The following NLK variants were observed in gnomAD, a reference collection of about 807,000 sequenced individuals.
NLK encodes serine/threonine-protein kinase NLK.
A neutral mutation model predicts 59.0 loss-of-function variants in NLK; 11 were observed. That is an observed-to-expected ratio of 0.19 (90% CI 0.12 to 0.31). The LOEUF is 0.31. NLK is among the 10% of genes least tolerant of loss of function. The pLI is 1.00. For missense variants in NLK, 410 were observed against 661.1 expected (o/e 0.62, Z 4.16); for synonymous variants, 235 against 235.9 (o/e 1.00, Z 0.03).
chr17:28,148,243 C>CA (rs1441745170), intron 3 of NLK, among the ~76,000 whole-genome samples: 4 of 152,022 alleles, frequency 2.6e-5, no homozygotes, highest in Admixed American at 2.6e-4. Context: ...ACCCTGCCCC[C>CA]ACCCCCCCAC....
downstream of NLK, among the ~76,000 whole-genome samples, chr17:28,201,279 T>G (rs1909621955): frequency 6.6e-6 from 1 of 151,882 alleles, no homozygotes; most frequent in Admixed American, 6.6e-5. Flanking sequence ...GATGAGATTT[T>G]GCCATGTTGC....
intron 1 of NLK, among the ~76,000 whole-genome samples, chr17:28,059,532 T>A (rs769827318): frequency 6.6e-6 from 1 of 152,306 alleles, no homozygotes; most frequent in African/African-American, 2.4e-5. Flanking sequence ...GTGTCCAAAG[T>A]CTTATCTAAT....
At chr17:28,152,291 ACTTACT>A (rs1420639127) in intron 3 of NLK, among the ~76,000 whole-genome samples, 1 of 152,242 alleles carries the variant, frequency 6.6e-6, no homozygotes. Context: ...ATTATTTCAT[ACTTACT>A]CTGTTTTTGG....
chr17:28,176,143 T>C lies in NLK; in HGVS notation c.1149+3525T>C, dbSNP rs565249689. Among the ~76,000 whole-genome samples the C allele has an allele frequency of 1.6e-4, 24 of 152,330 alleles. No individual in the cohort carries two copies. In the East Asian group the frequency reaches 4.1e-3, roughly 26 times the overall value. On this transcript the variant is annotated intron_variant, in intron 7 of 10. Coordinates refer to ENST00000407008, the MANE Select transcript of NLK (RefSeq NM_016231.5). ...GCCTCTGGCTTTTAGAAAAGACTCC[T>C]AGTAATCCTCAGTGATGCTGCTTAG...
At chr17:28,111,277 C>T (rs1255088074) in intron 1 of NLK, among the ~76,000 whole-genome samples, 2 of 151,998 alleles carry the variant, frequency 1.3e-5, no homozygotes, top group Non-Finnish European at 2.9e-5. Context: ...ACCTCTGCCT[C>T]CCGGGTTCAA....
chr17:28,104,969 A>T (rs182228843), intron 1 of NLK, among the ~76,000 whole-genome samples: 3 of 152,198 alleles, frequency 2.0e-5, no homozygotes, highest in Non-Finnish European at 4.4e-5. Context: ...AAACTGTTGC[A>T]TTATTGAATC....
intron 1 of NLK, chr17:28,047,783 C>G (rs1297010038): frequency 1.3e-5 from 5 of 389,820 alleles, no homozygotes; most frequent in East Asian, 7.2e-5. Context: ...GTCTGGTCCT[C>G]TTACTCCACA....
intron 1 of NLK, among the ~76,000 whole-genome samples, chr17:28,088,806 G>C (rs1487615296): frequency 6.6e-6 from 1 of 152,216 alleles, no homozygotes; most frequent in Non-Finnish European, 1.5e-5. Context: ...CTTGGCACTA[G>C]AGGTACTCAT....
At chr17:28,070,810 C>T (rs1172699017) in intron 1 of NLK, among the ~76,000 whole-genome samples, 1 of 152,138 alleles carries the variant, frequency 6.6e-6, no homozygotes, top group Non-Finnish European at 1.5e-5. Context: ...CCTATTCTCA[C>T]AACATCCTTC....
chr17:28,058,482 AC>A (rs1909516184), intron 1 of NLK, among the ~76,000 whole-genome samples: 4 of 152,124 alleles, frequency 2.6e-5, no homozygotes, highest in Non-Finnish European at 5.9e-5. Flanking sequence ...CATGTTCTCT[AC>A]CCACCGATCC....
At chr17:28,146,391 A>G (rs2142034131) in intron 3 of NLK, among the ~76,000 whole-genome samples, 1 of 151,694 alleles carries the variant, frequency 6.6e-6, no homozygotes, top group Admixed American at 6.6e-5. Context: ...GTTGATGATG[A>G]TGATGATGAT....
chr17:28,147,476 G>A (rs1454598884), intron 3 of NLK, among the ~76,000 whole-genome samples: 1 of 152,088 alleles, frequency 6.6e-6, no homozygotes, highest in Non-Finnish European at 1.5e-5. Context: ...TCGTATAGGT[G>A]GGTTAAACAA....
chr17:28,077,867 C>T (rs1940635538), intron 1 of NLK, among the ~76,000 whole-genome samples: 1 of 152,120 alleles, frequency 6.6e-6, no homozygotes, highest in South Asian at 2.1e-4. Flanking sequence ...ATAGGTCTCT[C>T]TCATAAGTTT....
intron 1 of NLK, chr17:28,061,882 TATACATATATACATATAC>T (rs935543940): frequency 6.9e-6 from 1 of 144,614 alleles, no homozygotes; most frequent in South Asian, 2.1e-4. Flanking sequence ...ATATATAATA[TATACATATATACATATAC>T]ATACATATAT....
chr17:28,116,297 T>C (rs903072161), intron 1 of NLK: 11 of 205,096 alleles, frequency 5.4e-5, no homozygotes, highest in South Asian at 3.7e-4. Flanking sequence ...GCAGCACCTA[T>C]TGAGGCCATG....
intron 8 of NLK, among the ~76,000 whole-genome samples, chr17:28,189,907 TC>T: frequency 6.6e-6 from 1 of 152,224 alleles, no homozygotes. Context: ...CCCGCTTTCT[TC>T]TGTGATTATC....
At position 28,141,417 on chromosome 17, in the gene NLK, A is replaced by G. The variant is rs537462627; in HGVS notation, c.644+8742A>G. ...AGTAGGTAAGGACTAGCATCTGTAGATTGATGTGTTTAGAGACTTGCCCTC... is the reference window on the plus strand; with the variant it reads ...AGTAGGTAAGGACTAGCATCTGTAGGTTGATGTGTTTAGAGACTTGCCCTC... On this transcript the variant is annotated intron_variant, in intron 3 of 10. Coordinates refer to ENST00000407008, the MANE Select transcript of NLK (RefSeq NM_016231.5). Among the ~76,000 whole-genome samples the G allele has an allele frequency of 7.9e-5, 12 of 152,262 alleles. No homozygotes were observed. The East Asian group carries it at 2.3e-3, about 29-fold the overall frequency.
At chr17:28,171,645 G>A (rs890882633) in intron 6 of NLK, among the ~76,000 whole-genome samples, 6 of 152,156 alleles carry the variant, frequency 3.9e-5, no homozygotes, top group Non-Finnish European at 8.8e-5. Flanking sequence ...CATTTCAGGT[G>A]TGAATATTTT....
At position 28,072,906 on chromosome 17, in the gene NLK, G is replaced by A. The variant is rs370079077; in HGVS notation, c.458+29575G>A. On this transcript the variant is annotated intron_variant, in intron 1 of 10. Transcript: ENST00000407008. The stretch of plus-strand genomic sequence containing the variant: ...AATACTCTTATCTGCTGTCTTTGTT[G>A]GTCTAATACATTGGCTCTTACTTGT... 9.2e-5 allele frequency among the ~76,000 whole-genome samples: 14 copies of A among 151,922 alleles called. No individual in the cohort carries two copies. The South Asian group carries it at 2.9e-3, about 31-fold the overall frequency.
Sources: gnomAD v4.1 joint callset for allele counts (sites outside exome capture counted in the v4.1 genomes callset) on GRCh38, gnomAD v4.1.1 for gene constraint, MANE v1.5 for transcripts, NCBI Gene and HGNC (gene_info 2026-07-23, HGNC 2026-07-21) for gene names.